The following RALYL variants were observed in gnomAD, a reference collection of about 807,000 sequenced individuals.
RALYL encodes RNA-binding Raly-like protein.
In RALYL, 29 loss-of-function variants were observed where a neutral mutation model predicts 35.1. The observed-to-expected ratio is 0.83, with a 90% CI of 0.61 to 1.13. RALYL has a LOEUF of 1.13. RALYL is among the 50% of genes most tolerant of loss of function. RALYL has a pLI of 0.00. For missense variants in RALYL, 359 were observed against 360.4 expected, an observed-to-expected ratio of 1.00 and a Z score of 0.03; for synonymous variants, 120 against 127.6, an observed-to-expected ratio of 0.94 and a Z score of 0.40.
chr8:84,218,828 G>A (rs1163851474), intron 1 of RALYL, among the ~76,000 whole-genome samples: 1 of 152,110 alleles, frequency 6.6e-6, no homozygotes, highest in South Asian at 2.1e-4. Flanking sequence ...CCAGCGTGTG[G>A]TTGGTGCTGA....
chr8:84,581,070 G>T (rs1810717997), intron 2 of RALYL, among the ~76,000 whole-genome samples: 1 of 152,172 alleles, frequency 6.6e-6, no homozygotes, highest in Non-Finnish European at 1.5e-5. Flanking sequence ...CTTGGCATCT[G>T]AGATTGAACT....
At chr8:84,580,666 T>C (rs1185154048) in intron 2 of RALYL, among the ~76,000 whole-genome samples, 1 of 152,206 alleles carries the variant, frequency 6.6e-6, no homozygotes, top group Non-Finnish European at 1.5e-5. Context: ...TTATTTTCAG[T>C]AATATTCTCC....
intron 1 of RALYL, among the ~76,000 whole-genome samples, chr8:84,303,061 A>G (rs1331051373): frequency 6.6e-6 from 1 of 152,214 alleles, no homozygotes; most frequent in Non-Finnish European, 1.5e-5. Context: ...GTTAGGACAC[A>G]TTCAGGGTAC....
chr8:84,195,004 A>G (rs1814877012), intron 1 of RALYL, among the ~76,000 whole-genome samples: 1 of 152,108 alleles, frequency 6.6e-6, no homozygotes, highest in African/African-American at 2.4e-5. Context: ...CATTTGTCCA[A>G]TAAAATAGAC....
chr8:84,253,286 T>A (rs966906334), intron 1 of RALYL, among the ~76,000 whole-genome samples: 2 of 146,024 alleles, frequency 1.4e-5, no homozygotes, highest in Non-Finnish European at 3.0e-5. Context: ...ACCTTCCGGG[T>A]TCAAGCTATT....
intron 2 of RALYL, among the ~76,000 whole-genome samples, chr8:84,624,772 C>T (rs1822359498): frequency 1.3e-5 from 2 of 152,228 alleles, no homozygotes; most frequent in African/African-American, 4.8e-5. Context: ...TGCCTCTTGA[C>T]TTACCCTATC....
In RALYL at chr8:84,865,220, C is replaced by A. The variant is rs942473963; in HGVS notation, c.571+2767C>A. Among the ~76,000 whole-genome samples, 15 of 152,172 alleles carry A rather than the reference C, an allele frequency of 9.9e-5. No homozygotes were observed. The East Asian group carries it at 2.9e-3, about 29-fold the overall frequency. On this transcript the variant is annotated intron_variant, in intron 6 of 8. Transcript: ENST00000521268. ...AATAACAAAAGTTTCTAACTCAAAT[C>A]ACAAATGAAAAGTATCAGTGAAATT...
At chr8:84,901,051 CTG>C (rs1035025953) in intron 8 of RALYL, among the ~76,000 whole-genome samples, 1 of 152,066 alleles carries the variant, frequency 6.6e-6, no homozygotes, top group Non-Finnish European at 1.5e-5. Flanking sequence ...CCCACAGAGA[CTG>C]AGAGATAGAG....
intron 2 of RALYL, among the ~76,000 whole-genome samples, chr8:84,668,398 T>A (rs1232389435): frequency 6.6e-6 from 1 of 152,116 alleles, no homozygotes; most frequent in African/African-American, 2.4e-5. Flanking sequence ...TGTGTACGTA[T>A]GTAACAGGGG....
intron 3 of RALYL, among the ~76,000 whole-genome samples, chr8:84,801,111 T>G (rs918451304): frequency 2.6e-5 from 4 of 152,158 alleles, no homozygotes; most frequent in African/African-American, 9.7e-5. Flanking sequence ...AAGCAGAGCA[T>G]CATTCAACAC....
At chr8:84,434,870 A>G (rs565370915) in intron 1 of RALYL, among the ~76,000 whole-genome samples, 1 of 152,270 alleles carries the variant, frequency 6.6e-6, no homozygotes, top group South Asian at 2.1e-4. Flanking sequence ...AGACTGAATA[A>G]TATGCTTGAT....
chr8:84,896,890 A>G (rs1378454637), intron 8 of RALYL, among the ~76,000 whole-genome samples: 1 of 152,186 alleles, frequency 6.6e-6, no homozygotes, highest in Non-Finnish European at 1.5e-5. Context: ...AGATTTAGCA[A>G]ATAAAATACA....
chr8:84,232,308 CTG>C (rs1825559014), intron 1 of RALYL, among the ~76,000 whole-genome samples: 2 of 152,150 alleles, frequency 1.3e-5, no homozygotes, highest in East Asian at 3.9e-4. Flanking sequence ...AGAAAAATAA[CTG>C]TGAAAGTTGT....
chr8:84,760,095 T>C (rs1812336108), intron 2 of RALYL, among the ~76,000 whole-genome samples: 1 of 152,176 alleles, frequency 6.6e-6, no homozygotes, highest in African/African-American at 2.4e-5. Context: ...AATTTATCCA[T>C]GTACCCTTAG....
intron 1 of RALYL, among the ~76,000 whole-genome samples, chr8:84,485,449 G>A (rs1046589405): frequency 2.6e-5 from 4 of 152,070 alleles, no homozygotes; most frequent in Admixed American, 2.0e-4. Context: ...GCATGGTGGT[G>A]CACGCCTGCA....
intron 6 of RALYL, among the ~76,000 whole-genome samples, chr8:84,871,766 T>C (rs1840230631): frequency 1.3e-5 from 2 of 152,186 alleles, no homozygotes. Context: ...AAAGTCTGCT[T>C]TAAAAAAAAT....
intron 2 of RALYL, among the ~76,000 whole-genome samples, chr8:84,626,023 A>G (rs1307628306): frequency 3.9e-5 from 6 of 152,160 alleles, no homozygotes; most frequent in Non-Finnish European, 4.4e-5. Flanking sequence ...ACAAAAATAT[A>G]GCAGAGTTAG....
At chr8:84,748,894 GT>G (rs1809277738) in intron 2 of RALYL, among the ~76,000 whole-genome samples, 1 of 151,910 alleles carries the variant, frequency 6.6e-6, no homozygotes, top group African/African-American at 2.4e-5. Flanking sequence ...CTCTTGTTTT[GT>G]TTATGTCCTT....
At chr8:84,289,050 C>T (rs1040483880) in intron 1 of RALYL, among the ~76,000 whole-genome samples, 3 of 152,076 alleles carry the variant, frequency 2.0e-5, no homozygotes, top group African/African-American at 7.2e-5. Context: ...CAGAGGCCAT[C>T]AGTGTTTGCT....
Sources: allele counts gnomAD v4.1 joint callset (sites outside exome capture counted in the v4.1 genomes callset), GRCh38; gene constraint gnomAD v4.1.1; transcripts MANE v1.5; gene names NCBI Gene and HGNC (gene_info 2026-07-23, HGNC 2026-07-21).